Variants in DGKA observed in about 807,000 individuals in gnomAD.
DGKA encodes 80 kDa diacylglycerol kinase.
A neutral mutation model predicts 105.0 loss-of-function variants in DGKA; 35 were observed. The ratio of observed to expected loss-of-function variants is 0.33; its 90% CI spans 0.25 to 0.44. The LOEUF (loss-of-function observed/expected upper bound fraction) is 0.44, where lower values mean the gene tolerates loss of function less well. DGKA is among the 20% of genes least tolerant of loss of function. The pLI is 1.00. For missense variants in DGKA, 665 were observed against 915.0 expected, an observed-to-expected ratio of 0.73 and a Z score of 3.53; for synonymous variants, 296 against 332.0, an observed-to-expected ratio of 0.89 and a Z score of 1.18.
chr12:55,938,158 C>A, intron 5 of DGKA, 106 bp downstream of exon 5: 1 of 1,068,402 alleles, frequency 9.4e-7, no homozygotes, highest in South Asian at 1.4e-5. Flanking sequence ...GCTGACAGGT[C>A]TAGACAAAGG....
chr12:55,934,395 G>A (rs1393065275), intron 1 of DGKA, among the ~76,000 whole-genome samples: 1 of 152,192 alleles, frequency 6.6e-6, no homozygotes, highest in Non-Finnish European at 1.5e-5. Context: ...TCATTGAAAA[G>A]TGCCAGATGG....
rs1888483919 is a variant in DGKA at position 55,953,121 on chromosome 12, C to T, written c.2024C>T (p.Ala675Val). 6.2e-7 allele frequency: 1 copy of T among 1,614,102 alleles called. No individual in the cohort carries two copies. Among genetic ancestry groups the T allele is most frequent in the Non-Finnish European group, 8.5e-7 (1 of 1,180,032 alleles). ...MGQIYTKLKN[A>V]GRRLAKCSEI... ...CAAATCTATACCAAGCTCAAGAATG[C>T]TGGACGTCGGCTGGCCAAGTGCTCT... Residue 675 changes from alanine (A) to valine (V), a missense_variant, in exon 22 of 24, where the codon GCT (alanine) becomes GTT (valine). This residue lies in a region of DGKA where 158 missense variants were observed against 213.4 expected (regional missense o/e 0.74). Transcript: ENST00000331886.
At chr12:55,944,023 C>T (rs140708359) in intron 17 of DGKA, among the ~76,000 whole-genome samples, 458 of 152,220 alleles carry the variant, frequency 3.0e-3, no homozygotes, top group Middle Eastern at 0.014. Context: ...GGGCTGGGCA[C>T]GGTGGCTGAT....
In DGKA at chr12:55,936,846, A is replaced by G. The variant is rs1393219958; in HGVS notation, c.65-171A>G. Reference sequence around the variant, plus strand: ...CTTGCTCCAGCTCTCAGAGAAGAGGAGTAAAGAGTGGTACTGTTTTGGAGG... The same window carrying G: ...CTTGCTCCAGCTCTCAGAGAAGAGGGGTAAAGAGTGGTACTGTTTTGGAGG... On this transcript the variant is annotated intron_variant, in intron 2 of 23. Transcript: ENST00000331886. The G allele has an allele frequency of 7.4e-6, 6 of 811,576 alleles. No homozygotes were observed. In the African/African-American group the frequency reaches 1.0e-4, roughly 14 times the overall value. 50.3% of individuals were successfully genotyped at this position (811,576 alleles called of 1,614,324 possible). A position where few individuals can be genotyped will look rare whatever the true frequency, so the allele number is the denominator to read the frequency against.
chr12:55,942,388 T>C, intron 17 of DGKA, 125 bp downstream of exon 17: 1 of 879,392 alleles, frequency 1.1e-6, no homozygotes, highest in East Asian at 2.6e-5. Context: ...CACAGACAGG[T>C]GGATACAAAA....
intron 2 of DGKA, 156 bp from the exon 3 acceptor site, chr12:55,936,861 T>C (rs574351618): frequency 1.2e-6 from 1 of 840,186 alleles, no homozygotes; most frequent in Admixed American, 1.8e-5. Flanking sequence ...AGAGTGGTAC[T>C]GTTTTGGAGG....
Position 55,932,838 on chromosome 12 carries a change from C to A in DGKA, c.-82+1494C>A. On this transcript the variant is annotated intron_variant, in intron 1 of 23. Coordinates refer to ENST00000331886, the MANE Select transcript of DGKA (RefSeq NM_001345.5). The surrounding 1 kb of genome is among the most constrained non-coding windows in gnomAD (Gnocchi z 4.3). ...CAAATGATTCCCTCTTGAGGGCTAC[C>A]TACTAGCAGCAACGGTCAGGGAGAG... 1 of 507,572 alleles carries A rather than the reference C, an allele frequency of 2.0e-6. No individual in the cohort carries two copies. The highest frequency in any genetic ancestry group is 3.6e-6 in the Non-Finnish European group (1 of 280,392). The allele number at this position is 507,572 out of a possible 1,614,324, so 31.4% of individuals were successfully genotyped here.
Position 55,932,756 on chromosome 12 carries a change from G to A in DGKA, c.-82+1412G>A. The A allele has an allele frequency of 1.7e-6, 1 of 601,346 alleles. No homozygotes were observed. Among genetic ancestry groups the A allele is most frequent in the Non-Finnish European group, 3.0e-6 (1 of 332,302 alleles). The allele number at this position is 601,346 out of a possible 1,614,324, so 37.3% of individuals were successfully genotyped here. On this transcript the variant is annotated intron_variant, in intron 1 of 23. Transcript: ENST00000331886. The surrounding 1 kb of genome is among the most constrained non-coding windows in gnomAD (Gnocchi z 4.3). ...ACACACACACAACCCCCTCAGCCAG[G>A]TGTAGCACTGCAGTCTTCAGTGTTT...
chr12:55,946,372 T>C (rs1015557897), intron 17 of DGKA, among the ~76,000 whole-genome samples: 1 of 151,956 alleles, frequency 6.6e-6, no homozygotes, highest in Admixed American at 6.6e-5. Context: ...GTTGTTGTTT[T>C]TGGAGATGGA....
At chr12:55,947,032 C>A (rs1200975307) in intron 17 of DGKA, among the ~76,000 whole-genome samples, 1 of 142,732 alleles carries the variant, frequency 7.0e-6, no homozygotes, top group African/African-American at 2.7e-5. Flanking sequence ...GTTGCCCAGG[C>A]TGGGGTGCAA....
At position 55,940,053 on chromosome 12, in the gene DGKA, A is replaced by C. The variant is rs931131389; in HGVS notation, c.710-29A>C. 4 of 1,598,720 alleles carry C rather than the reference A, an allele frequency of 2.5e-6. No homozygotes were observed. The highest frequency in any genetic ancestry group is 2.6e-6 in the Non-Finnish European group (3 of 1,166,138). On this transcript the variant is annotated intron_variant, in intron 9 of 23. Transcript: ENST00000331886. This position sits in a 1 kb window ranked among gnomAD's most constrained non-coding sequence, Gnocchi z 4.3. ...GGAAATAGGGGGAGAGGCTCAGCTA[A>C]GCCTCCCAACTTCTTCCTTCTCCCT...
intron 6 of DGKA, 151 bp from the exon 7 acceptor site, chr12:55,938,764 A>T: frequency 6.5e-7 from 1 of 1,528,266 alleles, no homozygotes; most frequent in South Asian, 1.3e-5. Flanking sequence ...TGCCTTACAA[A>T]CATACAAACA....
chr12:55,927,470 T>G (rs1883214806), upstream of DGKA: 2 of 695,380 alleles, frequency 2.9e-6, no homozygotes, highest in African/African-American at 3.6e-5. Context: ...AAGGGGGCCT[T>G]ATAAATGAAG....
intron 17 of DGKA, among the ~76,000 whole-genome samples, chr12:55,948,632 G>A (rs1393871652): frequency 6.6e-6 from 1 of 151,416 alleles, no homozygotes; most frequent in Non-Finnish European, 1.5e-5. Flanking sequence ...GGAGGCTGAG[G>A]TAGGAGGATA....
chr12:55,936,974 G>A, intron 2 of DGKA, 43 bp from the exon 3 acceptor site: 1 of 1,545,382 alleles, frequency 6.5e-7, no homozygotes, highest in Non-Finnish European at 8.9e-7. Flanking sequence ...AGAGAACTCA[G>A]CTGGACTAAT....
chr12:55,932,826 CTT>C lies in DGKA; in HGVS notation c.-82+1483_-82+1484del, dbSNP rs1324795780. 3.8e-6 allele frequency: 2 copies of C among 526,374 alleles called. No homozygotes were observed. Among genetic ancestry groups the C allele is most frequent in the African/African-American group, 3.8e-5 (2 of 52,420 alleles). The allele number at this position is 526,374 out of a possible 1,614,324, so 32.6% of individuals were successfully genotyped here. ...TGAGGCTTCAAGCAAATGATTCCCT[CTT>C]GAGGGCTACCTACTAGCAGCAACGG... On this transcript the variant is annotated intron_variant, in intron 1 of 23. Coordinates refer to ENST00000331886, the MANE Select transcript of DGKA (RefSeq NM_001345.5). This position sits in a 1 kb window ranked among gnomAD's most constrained non-coding sequence, Gnocchi z 4.3.
In DGKA at chr12:55,940,469, AC is replaced by A. The variant is rs745716366; in HGVS notation, c.918+40del. On this transcript the variant is annotated intron_variant, in intron 11 of 23. Coordinates refer to ENST00000331886, the MANE Select transcript of DGKA (RefSeq NM_001345.5). This position sits in a 1 kb window ranked among gnomAD's most constrained non-coding sequence, Gnocchi z 4.3. Reference sequence around the variant, plus strand: ...GAGCCATCCCTTCTGGGTGCGTCTTACCCCGCAGAGCTGCCTTCTCCACGGG... The same window carrying A: ...GAGCCATCCCTTCTGGGTGCGTCTTACCCGCAGAGCTGCCTTCTCCACGGG... 14 of 1,610,346 alleles carry A rather than the reference AC, an allele frequency of 8.7e-6. No homozygotes were observed. The highest frequency in any genetic ancestry group is 1.2e-5 in the Non-Finnish European group (14 of 1,178,068).
rs1286369874 is a variant in DGKA, at chr12:55,952,325, G to A, written c.1653-16G>A. 6.2e-7 allele frequency: 1 copy of A among 1,613,776 alleles called. No homozygotes were observed. Among genetic ancestry groups the A allele is most frequent in the Non-Finnish European group, 8.5e-7 (1 of 1,179,814 alleles). On this transcript the variant is annotated splice_polypyrimidine_tract_variant and intron_variant, in intron 19 of 23. Coordinates refer to ENST00000331886, the MANE Select transcript of DGKA (RefSeq NM_001345.5). The surrounding 1 kb of genome is among the most constrained non-coding windows in gnomAD (Gnocchi z 5.1). ...CCTGTCCCTCCCTACTGGGCCTTGTGTTGGGGCTGACACAGAATGAAGAAC... is the reference window on the plus strand; with the variant it reads ...CCTGTCCCTCCCTACTGGGCCTTGTATTGGGGCTGACACAGAATGAAGAAC...
chr12:55,936,674 G>T (rs570576047), intron 2 of DGKA, 107 bp downstream of exon 2: 1 of 1,485,314 alleles, frequency 6.7e-7, no homozygotes, highest in Non-Finnish European at 9.3e-7. Flanking sequence ...GCTTTGAGCA[G>T]TGTGCTGCTC....
Sources: allele counts gnomAD v4.1 joint callset (sites outside exome capture counted in the v4.1 genomes callset), GRCh38; gene constraint gnomAD v4.1.1; regional missense constraint gnomAD v4.1.1; non-coding constraint Gnocchi (gnomAD v3.1); transcripts MANE v1.5; gene names NCBI Gene and HGNC (gene_info 2026-07-23, HGNC 2026-07-21).